The following CASK variants were observed in gnomAD, a reference collection of about 807,000 sequenced individuals.
The protein encoded by CASK is calcium/calmodulin dependent serine protein kinase.
A neutral mutation model predicts 82.9 loss-of-function variants in CASK; 4 were observed. That is an observed-to-expected ratio of 0.05 (90% CI 0.02 to 0.11). The LOEUF (loss-of-function observed/expected upper bound fraction) is 0.11. CASK is among the 10% of genes least tolerant of loss of function. The pLI, the probability that CASK is intolerant of heterozygous loss-of-function variation, is 1.00. For synonymous variants in CASK, 259 were observed against 253.5 expected, an observed-to-expected ratio of 1.02 and a Z score of -0.20; for missense variants, 358 against 720.9, an observed-to-expected ratio of 0.50 and a Z score of 5.76.
intron 3 of CASK, among the ~76,000 whole-genome samples, chrX:41,769,538 C>G (rs759553971): frequency 3.6e-5 from 4 of 111,324 alleles, no homozygotes; most frequent in Non-Finnish European, 7.5e-5. Context: ...AGCCCCTTCA[C>G]AGACTTGCAA....
intron 3 of CASK, among the ~76,000 whole-genome samples, chrX:41,749,082 C>T (rs113907674): frequency 0.038 from 4,239 of 110,242 alleles, 102 homozygotes; most frequent in Non-Finnish European, 0.058. Context: ...GCCAGGAGTT[C>T]GCGACCAGCC....
intron 3 of CASK, among the ~76,000 whole-genome samples, chrX:41,783,305 C>T (rs763639237): frequency 1.8e-5 from 2 of 111,258 alleles, no homozygotes; most frequent in South Asian, 7.6e-4. Flanking sequence ...TGGCTCATGC[C>T]TGTAATCCCA....
At chrX:41,625,227 C>G (rs1316301923) in intron 10 of CASK, among the ~76,000 whole-genome samples, 1 of 100,638 alleles carries the variant, frequency 9.9e-6, no homozygotes, top group Non-Finnish European at 2.0e-5. Flanking sequence ...ACTCTGTCGC[C>G]CAGGCTGGAG....
intron 22 of CASK, among the ~76,000 whole-genome samples, chrX:41,536,720 T>A (rs1286095937): frequency 8.9e-6 from 1 of 112,306 alleles, no homozygotes; most frequent in African/African-American, 3.2e-5. Flanking sequence ...CTTTAAAGCA[T>A]ATCCTCTAGC....
chrX:41,623,957 G>A (rs1037872676), intron 10 of CASK, among the ~76,000 whole-genome samples: 2 of 111,394 alleles, frequency 1.8e-5, no homozygotes, highest in Non-Finnish European at 3.8e-5. Flanking sequence ...CAATCCTCCT[G>A]CCTTGGCTTC....
intron 5 of CASK, chrX:41,728,079 T>C: frequency 2.7e-6 from 2 of 753,946 alleles, no homozygotes; most frequent in Admixed American, 4.2e-5. Flanking sequence ...AAAGCATTCA[T>C]GTGACTTTAT....
chrX:41,533,371 CA>C (rs1260326154), intron 24 of CASK, among the ~76,000 whole-genome samples: 5 of 112,293 alleles, frequency 4.5e-5, no homozygotes, highest in African/African-American at 1.6e-4. Context: ...AAGAACACTT[CA>C]AAGTGTTTTA....
intron 9 of CASK, among the ~76,000 whole-genome samples, chrX:41,633,280 A>G (rs2066504529): frequency 9.0e-6 from 1 of 111,079 alleles, no homozygotes; most frequent in African/African-American, 3.3e-5. Flanking sequence ...TTCTAGGGGT[A>G]GAAATAATTG....
At chrX:41,918,832 T>C (rs1331558916) in intron 1 of CASK, among the ~76,000 whole-genome samples, 2 of 112,300 alleles carry the variant, frequency 1.8e-5, no homozygotes, top group Non-Finnish European at 3.8e-5. Context: ...GATTCCTCAT[T>C]ATAGCTGCAT....
Position 41,578,439 on chromosome X carries a change from T to G in CASK, c.1404A>C (p.Leu468Phe). 2 of 1,203,625 alleles carry G rather than the reference T, an allele frequency of 1.7e-6. No homozygotes were observed. The highest frequency in any genetic ancestry group is 2.3e-6 in the Non-Finnish European group (2 of 888,078). The change falls in exon 15 of 27, where the codon TTA becomes TTC. Residue 468 changes from leucine (L) to phenylalanine (F), a missense_variant. This residue lies in a region of CASK where 110 missense variants were observed against 218.8 expected (regional missense o/e 0.50). Transcript: ENST00000378163. ...RVTPPPTSPY[L>F]NGDSPESANG... ...TAGCACTTTCTGGAGAATCGCCGTT[T>G]AAATAGGGAGAGGTGGGAGGAGGTG...
At chrX:41,544,706 A>G (rs1259502995) in intron 21 of CASK, among the ~76,000 whole-genome samples, 2 of 105,661 alleles carry the variant, frequency 1.9e-5, no homozygotes, top group African/African-American at 6.7e-5. Context: ...TATCTCTACA[A>G]AAAAAAACAA....
chrX:41,772,769 G>T (rs1397530192), intron 3 of CASK, among the ~76,000 whole-genome samples: 1 of 111,246 alleles, frequency 9.0e-6, no homozygotes, highest in Non-Finnish European at 1.9e-5. Flanking sequence ...GGAGGCCGAG[G>T]CGGGCGGATC....
In CASK at chrX:41,517,321, A is replaced by C. The variant is rs917554268; in HGVS notation, c.*3099T>G. 8.4e-6 allele frequency: 1 copy of C among 119,514 alleles called. No homozygotes were observed. Among genetic ancestry groups the C allele is most frequent in the African/African-American group, 3.2e-5 (1 of 31,166 alleles). 9.8% of individuals were successfully genotyped at this position (119,514 alleles called of 1,213,427 possible). A position where few individuals can be genotyped will look rare whatever the true frequency, so the allele number is the denominator to read the frequency against. ...AACCATTTGTTTTCCTCTCTGAGCA[A>C]AGATTTTAAATCATCTCACCTGACA... On this transcript the variant is annotated 3_prime_UTR_variant, in exon 27 of 27. Transcript: ENST00000378163.
At chrX:41,868,412 G>C (rs2071630262) in intron 1 of CASK, among the ~76,000 whole-genome samples, 1 of 111,414 alleles carries the variant, frequency 9.0e-6, no homozygotes, top group South Asian at 3.9e-4. Context: ...TATTAACCAA[G>C]AATCCCTGCA....
At chrX:41,691,606 C>G (rs915768851) in intron 5 of CASK, among the ~76,000 whole-genome samples, 3 of 109,162 alleles carry the variant, frequency 2.7e-5, no homozygotes, top group African/African-American at 1.0e-4. Flanking sequence ...CGCCTGTAAC[C>G]CCAGCACTTT....
intron 5 of CASK, among the ~76,000 whole-genome samples, chrX:41,675,045 C>T (rs1389230159): frequency 1.8e-5 from 2 of 111,651 alleles, no homozygotes; most frequent in African/African-American, 6.5e-5. Context: ...ATTCATTTTT[C>T]CTGCATCTTT....
intron 5 of CASK, among the ~76,000 whole-genome samples, chrX:41,706,568 G>A (rs1012741345): frequency 8.9e-6 from 1 of 112,010 alleles, no homozygotes; most frequent in African/African-American, 3.2e-5. Context: ...ATTCTGGAAA[G>A]AGAAGGTAAA....
At position 41,922,959 on chromosome X, in the gene CASK, A is replaced by C; in HGVS notation, c.30T>G (p.Asp10Glu). 2 of 1,209,960 alleles carry C rather than the reference A, an allele frequency of 1.7e-6. No individual in the cohort carries two copies. Among genetic ancestry groups the C allele is most frequent in the Non-Finnish European group, 2.2e-6 (2 of 894,452 alleles). Residue 10 changes from aspartate (D) to glutamate (E), a missense_variant, in exon 1 of 27, where the codon GAT (aspartate) becomes GAG (glutamate). Asp to Glu is a conservative substitution (Grantham distance 45, BLOSUM62 2). This residue lies in a region of CASK where 70 missense variants were observed against 228.4 expected (regional missense o/e 0.31). Coordinates refer to ENST00000378163, the MANE Select transcript of CASK (RefSeq NM_001367721.1). MADDDVLFEDVYELCEVIGK... is the reference protein window; with the variant it reads MADDDVLFEEVYELCEVIGK... ...CGATCACCTCGCACAGCTCGTACAC[A>C]TCCTCGAACAGCACGTCGTCGTCGG... is the stretch of plus-strand genomic sequence containing the variant.
intron 15 of CASK, among the ~76,000 whole-genome samples, chrX:41,575,602 AC>A (rs917904666): frequency 7.2e-5 from 8 of 111,479 alleles, no homozygotes; most frequent in African/African-American, 2.0e-4. Flanking sequence ...GGAGTATGTC[AC>A]CCTTGAGGAA....
Sources: allele counts gnomAD v4.1 joint callset (sites outside exome capture counted in the v4.1 genomes callset), GRCh38; gene constraint gnomAD v4.1.1; regional missense constraint gnomAD v4.1.1; transcripts MANE v1.5; gene names NCBI Gene and HGNC (gene_info 2026-07-23, HGNC 2026-07-21).